Variants in PCDHGA2 observed in about 807,000 individuals in gnomAD.
PCDHGA2 encodes the protein protocadherin gamma subfamily A, 2, also known as protocadherin gamma-A2.
In PCDHGA2, 40 loss-of-function variants were observed where a neutral mutation model predicts 59.2. The observed-to-expected ratio is 0.68, with a 90% confidence interval of 0.52 to 0.88. The LOEUF (loss-of-function observed/expected upper bound fraction) is 0.88. Ranked by LOEUF, PCDHGA2 falls within the 40% of genes least tolerant of loss-of-function variation. PCDHGA2 has a pLI of 0.00. For synonymous variants in PCDHGA2, 560 were observed against 526.0 expected (o/e 1.06, Z -0.89); for missense variants, 1,226 against 1,204.0 (o/e 1.02, Z -0.27).
intron 1 of PCDHGA2, chr5:141,370,795 G>A: frequency 6.2e-7 from 1 of 1,613,996 alleles, no homozygotes; most frequent in Middle Eastern, 1.6e-4. Flanking sequence ...CCGACCTTTA[G>A]CCAAAATATC....
Position 141,383,135 on chromosome 5 carries a change from A to T in PCDHGA2, c.2424+41740A>T. On this transcript the variant is annotated intron_variant, in intron 1 of 3. Coordinates refer to ENST00000394576, the MANE Select transcript of PCDHGA2 (RefSeq NM_018915.4). ...AGGACGCAGCTTTTCGCCCTGAACC[A>T]GCGCAGCGGCAGCTTGGTCACTGCG... The T allele has an allele frequency of 1.2e-5, 20 of 1,614,114 alleles. No homozygotes were observed. Among genetic ancestry groups the T allele is most frequent in the Non-Finnish European group, 1.7e-5 (20 of 1,179,996 alleles).
intron 1 of PCDHGA2, chr5:141,409,139 GA>G: frequency 1.9e-6 from 3 of 1,614,012 alleles, no homozygotes; most frequent in Non-Finnish European, 2.5e-6. Context: ...TGAAGATGTA[GA>G]AAGGTACACC....
chr5:141,454,546 A>G (rs1342532359), intron 1 of PCDHGA2, among the ~76,000 whole-genome samples: 1 of 152,098 alleles, frequency 6.6e-6, no homozygotes, highest in African/African-American at 2.4e-5. Flanking sequence ...AGCTGAGATT[A>G]CAGGCATGTG....
chr5:141,492,998 C>A (rs2154589328), intron 1 of PCDHGA2, among the ~76,000 whole-genome samples: 1 of 152,334 alleles, frequency 6.6e-6, no homozygotes, highest in Admixed American at 6.5e-5. Flanking sequence ...AGATGGAAAG[C>A]TATAGGCTCT....
intron 1 of PCDHGA2, chr5:141,346,449 C>T (rs370215927): frequency 4.3e-6 from 7 of 1,614,134 alleles, no homozygotes; most frequent in Non-Finnish European, 5.9e-6. Flanking sequence ...AGATTCCAAC[C>T]TACTTCAGGT....
Position 141,491,547 on chromosome 5 carries a change from G to C in PCDHGA2, c.2425-3260G>C. On this transcript the variant is annotated intron_variant, in intron 1 of 3. Coordinates refer to ENST00000394576, the MANE Select transcript of PCDHGA2 (RefSeq NM_018915.4). This position sits in a 1 kb window ranked among gnomAD's most constrained non-coding sequence, Gnocchi z 6.9. Reference sequence around the variant, plus strand: ...AGGTGACGCTGCGGCCCACAGACTCGCAGAGCCACTGCTACAGGACGTGCT... The same window carrying C: ...AGGTGACGCTGCGGCCCACAGACTCCCAGAGCCACTGCTACAGGACGTGCT... 6.2e-7 allele frequency: 1 copy of C among 1,613,974 alleles called. No individual in the cohort carries two copies. The highest frequency in any genetic ancestry group is 8.5e-7 in the Non-Finnish European group (1 of 1,180,022).
chr5:141,428,757 G>T (rs1216855355), intron 1 of PCDHGA2: 1 of 154,176 alleles, frequency 6.5e-6, no homozygotes, highest in Non-Finnish European at 1.4e-5. Context: ...CTTCAGGTTT[G>T]TTTGCCCACT....
rs1342408505 is a variant in PCDHGA2 at position 141,409,977 on chromosome 5, T to C, written c.2424+68582T>C. The C allele has an allele frequency of 1.2e-6, 2 of 1,613,300 alleles. No individual in the cohort carries two copies. Among genetic ancestry groups the C allele is most frequent in the African/African-American group, 2.7e-5 (2 of 75,026 alleles). ...CCCGGCTACCTAGTGACTAAGGTGGTAGCGGTGGACGCCGACTCGGGACAC... is the reference window on the plus strand; with the variant it reads ...CCCGGCTACCTAGTGACTAAGGTGGCAGCGGTGGACGCCGACTCGGGACAC... On this transcript the variant is annotated intron_variant, in intron 1 of 3. Transcript: ENST00000394576.
At chr5:141,437,589 T>C (rs929281293) in intron 1 of PCDHGA2, among the ~76,000 whole-genome samples, 10 of 152,306 alleles carry the variant, frequency 6.6e-5, no homozygotes, top group African/African-American at 2.2e-4. Flanking sequence ...ATGAATTGGA[T>C]AGTTCTGGTG....
In PCDHGA2 at chr5:141,431,616, A is replaced by G. The variant is rs776151297; in HGVS notation, c.2425-63191A>G. 1 of 1,614,250 alleles carries G rather than the reference A, an allele frequency of 6.2e-7. No individual in the cohort carries two copies. Among genetic ancestry groups the G allele is most frequent in the Non-Finnish European group, 8.5e-7 (1 of 1,180,042 alleles). ...AGGTATTCCTTCCGGTATGTGGACG[A>G]CAAGGCGGCCCAAGTTTTCAAACTA... On this transcript the variant is annotated intron_variant, in intron 1 of 3. Transcript: ENST00000394576. This position sits in a 1 kb window ranked among gnomAD's most constrained non-coding sequence, Gnocchi z 4.8.
chr5:141,422,629 A>C lies in PCDHGA2; in HGVS notation c.2425-72178A>C, dbSNP rs780472571. 1.9e-6 allele frequency: 3 copies of C among 1,613,270 alleles called. No homozygotes were observed. The Admixed American group carries it at 5.0e-5, about 27-fold the overall frequency. Reference sequence around the variant, plus strand: ...TGCCTACATTCCCGAAAACAACCCCAGGGGTGCCTCCATCTTCTCAGTGAC... The same window carrying C: ...TGCCTACATTCCCGAAAACAACCCCCGGGGTGCCTCCATCTTCTCAGTGAC... On this transcript the variant is annotated intron_variant, in intron 1 of 3. Transcript: ENST00000394576.
Position 141,432,562 on chromosome 5 carries a change from C to G in PCDHGA2, c.2425-62245C>G. On this transcript the variant is annotated intron_variant, in intron 1 of 3. Coordinates refer to ENST00000394576, the MANE Select transcript of PCDHGA2 (RefSeq NM_018915.4). The surrounding 1 kb of genome is among the most constrained non-coding windows in gnomAD (Gnocchi z 6.0). ...CGGTGGACAGAGACTCCGGCCAGAA[C>G]GCCTGGCTGTCCTACCGTCTGCTCA... 1 of 1,613,964 alleles carries G rather than the reference C, an allele frequency of 6.2e-7. No homozygotes were observed. Among genetic ancestry groups the G allele is most frequent in the Non-Finnish European group, 8.5e-7 (1 of 1,180,004 alleles).
rs766191511 is a variant in PCDHGA2, at chr5:141,432,498, G to T, written c.2425-62309G>T. ...TCCACTGGCGTGGAGCTGGCTCCCC[G>T]CTCCGCAGAGCCCGGCTACCTGGTG... On this transcript the variant is annotated intron_variant, in intron 1 of 3. Coordinates refer to ENST00000394576, the MANE Select transcript of PCDHGA2 (RefSeq NM_018915.4). The surrounding 1 kb of genome is among the most constrained non-coding windows in gnomAD (Gnocchi z 6.0). The T allele has an allele frequency of 6.2e-7, 1 of 1,614,106 alleles. No homozygotes were observed. The highest frequency in any genetic ancestry group is 8.5e-7 in the Non-Finnish European group (1 of 1,180,052).
intron 1 of PCDHGA2, chr5:141,384,274 G>T (rs1396743546): frequency 6.2e-7 from 1 of 1,613,704 alleles, no homozygotes; most frequent in East Asian, 2.2e-5. Flanking sequence ...ATCCTACTCA[G>T]TCTACATCGC....
chr5:141,387,561 A>G lies in PCDHGA2; in HGVS notation c.2424+46166A>G, dbSNP rs2090990234. 9 of 426,060 alleles carry G rather than the reference A, an allele frequency of 2.1e-5. No homozygotes were observed. The East Asian group carries it at 3.4e-4, about 16-fold the overall frequency. 26.4% of individuals were successfully genotyped at this position (426,060 alleles called of 1,614,324 possible). A position where few individuals can be genotyped will look rare whatever the true frequency, so the allele number is the denominator to read the frequency against. The stretch of plus-strand genomic sequence containing the variant: ...AGTTTTTGTTCTTTCAGTTAGGCAC[A>G]CAATTATAATTATTGCACTGGTTAA... On this transcript the variant is annotated intron_variant, in intron 1 of 3. Transcript: ENST00000394576.
At chr5:141,460,924 A>ATATG (rs1561985817) in intron 1 of PCDHGA2, among the ~76,000 whole-genome samples, 10 of 150,588 alleles carry the variant, frequency 6.6e-5, no homozygotes, top group East Asian at 3.9e-4. Flanking sequence ...ATATATATAT[A>ATATG]TGTGTGTGTG....
At chr5:141,357,966 G>A (rs1480314372) in intron 1 of PCDHGA2, among the ~76,000 whole-genome samples, 1 of 152,168 alleles carries the variant, frequency 6.6e-6, no homozygotes, top group African/African-American at 2.4e-5. Flanking sequence ...GAGGAGGACG[G>A]ATTGCCTGAG....
chr5:141,409,047 G>A, intron 1 of PCDHGA2: 1 of 1,613,982 alleles, frequency 6.2e-7, no homozygotes, highest in Non-Finnish European at 8.5e-7. Context: ...TACTACTTCC[G>A]AAGCACTGCC....
At chr5:141,441,404 C>T (rs1231257776) in intron 1 of PCDHGA2, 1 of 155,262 alleles carries the variant, frequency 6.4e-6, no homozygotes, top group Admixed American at 6.5e-5. Context: ...ATCAGCATCA[C>T]TGCCACTGAC....
Sources: allele counts gnomAD v4.1 joint callset (sites outside exome capture counted in the v4.1 genomes callset), GRCh38; gene constraint gnomAD v4.1.1; non-coding constraint Gnocchi (gnomAD v3.1); transcripts MANE v1.5; gene names NCBI Gene and HGNC (gene_info 2026-07-23, HGNC 2026-07-21).